ZSCAN2: variants seen among roughly 807,000 people sequenced by gnomAD.
The protein encoded by ZSCAN2 is zinc finger and SCAN domain-containing protein 2.
A neutral mutation model predicts 47.8 loss-of-function variants in ZSCAN2; 26 were observed. The ratio of observed to expected loss-of-function variants is 0.54; its 90% confidence interval spans 0.40 to 0.75. The LOEUF (loss-of-function observed/expected upper bound fraction) is 0.75. Ranked by LOEUF, ZSCAN2 falls within the 30% of genes least tolerant of loss-of-function variation. ZSCAN2 has a pLI of 0.00. For synonymous variants in ZSCAN2, 305 were observed against 288.7 expected (o/e 1.06, Z -0.57); for missense variants, 732 against 785.4 (o/e 0.93, Z 0.81).
At chr15:84,604,400 CGGA>C (rs1324222662) in intron 2 of ZSCAN2, 67 bp downstream of exon 2, 6 of 1,524,072 alleles carry the variant, frequency 3.9e-6, no homozygotes, top group South Asian at 2.6e-5. Flanking sequence ...TGTGGTGTTT[CGGA>C]GGAGGAGAAG....
Position 84,606,405 on chromosome 15 carries a change from C to G in ZSCAN2, c.406+2072C>G, listed in dbSNP as rs868022392. 2.8e-4 allele frequency: 213 copies of G among 758,776 alleles called. No homozygotes were observed. The Middle Eastern group carries it at 5.5e-3, about 20-fold the overall frequency. The allele number at this position is 758,776 out of a possible 1,614,324, so 47.0% of individuals were successfully genotyped here. On this transcript the variant is annotated intron_variant, in intron 2 of 2. Transcript: ENST00000546148. Reference sequence around the variant, plus strand: ...AGCCAGGATTCAAACCCAGACCTGTCTCTTTCTGCATGGAGATCTCAGTTT... The same window carrying G: ...AGCCAGGATTCAAACCCAGACCTGTGTCTTTCTGCATGGAGATCTCAGTTT...
intron 2 of ZSCAN2, among the ~76,000 whole-genome samples, chr15:84,619,206 C>T (rs1349919225): frequency 3.3e-5 from 5 of 152,020 alleles, no homozygotes; most frequent in Admixed American, 2.0e-4. Flanking sequence ...CCGAGGCGGG[C>T]GGATCACAAG....
chr15:84,604,562 T>C (rs1408719732), intron 2 of ZSCAN2, among the ~76,000 whole-genome samples: 2 of 152,198 alleles, frequency 1.3e-5, no homozygotes, highest in Non-Finnish European at 2.9e-5. Flanking sequence ...ATTTGAATTG[T>C]AAGCACAGTT....
intron 2 of ZSCAN2, chr15:84,606,552 C>T (rs1895387599): frequency 6.2e-7 from 1 of 1,613,858 alleles, no homozygotes; most frequent in African/African-American, 1.3e-5. Flanking sequence ...TGCTTCCCTT[C>T]CGGTGGAGGT....
chr15:84,603,990 A>G lies in ZSCAN2; in HGVS notation c.63A>G (p.Gln21=), dbSNP rs916101873. The change falls in exon 2 of 3, where the codon CAA becomes CAG. Residue 21 remains glutamine, a synonymous_variant. Coordinates refer to ENST00000546148, the MANE Select transcript of ZSCAN2 (RefSeq NM_181877.4). ...TPLSSLVQVP[Q]EEDRQEEEVT... is the part of the protein sequence containing the mutation. The stretch of plus-strand genomic sequence containing the variant: ...TGAGCTCCTTGGTCCAGGTGCCTCA[A>G]GAGGAAGATAGACAGGAGGAGGAGG... 8.1e-6 allele frequency: 13 copies of G among 1,613,912 alleles called. No homozygotes were observed. Among genetic ancestry groups the G allele is most frequent in the Admixed American group, 1.7e-5 (1 of 59,998 alleles).
intron 2 of ZSCAN2, chr15:84,612,145 C>G (rs1444081090): frequency 2.6e-5 from 4 of 152,318 alleles, no homozygotes; most frequent in Admixed American, 6.5e-5. Context: ...GCCAGGGATC[C>G]CTTATTCTTC....
At position 84,607,553 on chromosome 15, in the gene ZSCAN2, G is replaced by C. The variant is rs148636707; in HGVS notation, c.406+3220G>C. ...TGAGACGGTCTTTCTACGTTCCCCA[G>C]GCTGGAGTGCAGTGGTGCCATCTGG... On this transcript the variant is annotated intron_variant, in intron 2 of 2. Coordinates refer to ENST00000546148, the MANE Select transcript of ZSCAN2 (RefSeq NM_181877.4). 3.6e-3 allele frequency among the ~76,000 whole-genome samples: 544 copies of C among 151,918 alleles called. 6 individuals carry two copies. The highest frequency in any genetic ancestry group is 0.012 in the African/African-American group (516 of 41,410).
intron 2 of ZSCAN2, 115 bp from the exon 3 acceptor site, chr15:84,620,486 TC>T: frequency 1.1e-6 from 1 of 889,556 alleles, no homozygotes. Flanking sequence ...TTGAGGATTT[TC>T]TAGCCTCTTT....
chr15:84,609,917 A>C (rs1895495153), intron 2 of ZSCAN2, among the ~76,000 whole-genome samples: 1 of 152,224 alleles, frequency 6.6e-6, no homozygotes, highest in African/African-American at 2.4e-5. Flanking sequence ...TATTGACATG[A>C]GTCTTCCCCA....
At position 84,604,079 on chromosome 15, in the gene ZSCAN2, C is replaced by G. The variant is rs928783975; in HGVS notation, c.152C>G (p.Pro51Arg). The G allele has an allele frequency of 6.2e-7, 1 of 1,614,146 alleles. No individual in the cohort carries two copies. The highest frequency in any genetic ancestry group is 1.6e-4 in the Middle Eastern group (1 of 6,062). ...VQEAVLQEDG[P>R]ESEPFPQSAG... is the part of the protein sequence containing the mutation. ...GAAGCTGTGCTGCAGGAGGATGGCCCTGAGTCTGAGCCCTTTCCCCAGAGT... is the reference window on the plus strand; with the variant it reads ...GAAGCTGTGCTGCAGGAGGATGGCCGTGAGTCTGAGCCCTTTCCCCAGAGT... Residue 51 changes from proline to arginine, a missense_variant, in exon 2 of 3, where the codon CCT (proline) becomes CGT (arginine). Pro to Arg is a moderately radical substitution (Grantham distance 103). This residue lies in a region of ZSCAN2 where 320 missense variants were observed against 287.4 expected (regional missense o/e 1.11). Coordinates refer to ENST00000546148, the MANE Select transcript of ZSCAN2 (RefSeq NM_181877.4).
rs149447338 is a variant in ZSCAN2, at chr15:84,621,016, G to T, written c.821G>T (p.Gly274Val). Reference sequence around the variant, plus strand: ...AGTAGACACCAAACCACTCACACCGGGGAGAAGCCCTACAAATGCAGAGAC... The same window carrying T: ...AGTAGACACCAAACCACTCACACCGTGGAGAAGCCCTACAAATGCAGAGAC... ...NFSRHQTTHT[G>V]EKPYKCRDCG... The change falls in exon 3 of 3, where the codon GGG becomes GTG. Residue 274 changes from glycine (G) to valine (V), a missense_variant. By Grantham distance (109) the Gly-to-Val change is moderately radical. Transcript: ENST00000546148. This position sits in a 1 kb window ranked among gnomAD's most constrained non-coding sequence, Gnocchi z 5.7. 33 of 1,613,966 alleles carry T rather than the reference G, an allele frequency of 2.0e-5. 1 individual carries two copies. In the South Asian group the frequency reaches 3.5e-4, roughly 17 times the overall value.
chr15:84,621,425 A>G lies in ZSCAN2; in HGVS notation c.1230A>G (p.Arg410=). The change falls in exon 3 of 3, where the codon AGA becomes AGG. Residue 410 remains arginine, a synonymous_variant. Transcript: ENST00000546148. The surrounding 1 kb of genome is among the most constrained non-coding windows in gnomAD (Gnocchi z 5.7). ...SQSSALITHR[R]THTGEKPYQC... is the part of the protein sequence containing the mutation. ...GTTCAGCCCTCATCACCCACCGGAG[A>G]ACCCACACAGGAGAGAAACCCTACC... is the stretch of plus-strand genomic sequence containing the variant. 1.9e-6 allele frequency: 3 copies of G among 1,611,348 alleles called. No individual in the cohort carries two copies. In the South Asian group the frequency reaches 3.3e-5, roughly 18 times the overall value.
intron 2 of ZSCAN2, among the ~76,000 whole-genome samples, chr15:84,619,906 G>C (rs1895776765): frequency 6.8e-6 from 1 of 148,046 alleles, no homozygotes; most frequent in South Asian, 2.1e-4. Context: ...CAACCAGTCA[G>C]AATGAAATAA....
intron 2 of ZSCAN2, among the ~76,000 whole-genome samples, chr15:84,619,060 T>C (rs529639706): frequency 1.4e-4 from 22 of 152,282 alleles, no homozygotes; most frequent in Non-Finnish European, 2.2e-4. Flanking sequence ...CTAGCAGTCC[T>C]CCCTAATGAT....
At chr15:84,618,501 G>A (rs1895745884) in intron 2 of ZSCAN2, among the ~76,000 whole-genome samples, 1 of 151,986 alleles carries the variant, frequency 6.6e-6, no homozygotes, top group African/African-American at 2.4e-5. Flanking sequence ...AGGACATTGT[G>A]TGGTATAAAC....
At position 84,617,047 on chromosome 15, in the gene ZSCAN2, G is replaced by A. The variant is rs141491773; in HGVS notation, c.407-3555G>A. Among the ~76,000 whole-genome samples, 125 of 152,210 alleles carry A rather than the reference G, an allele frequency of 8.2e-4. 2 individuals are homozygous for A. The East Asian group carries it at 0.022, about 26-fold the overall frequency. On this transcript the variant is annotated intron_variant, in intron 2 of 2. Coordinates refer to ENST00000546148, the MANE Select transcript of ZSCAN2 (RefSeq NM_181877.4). ...TGAAGCAGGAGAATTGCTTGAACCC[G>A]GGGAACAGAGGTTGCGGGGAGCCAG...
At chr15:84,610,627 C>A (rs907858815) in intron 2 of ZSCAN2, among the ~76,000 whole-genome samples, 1 of 151,894 alleles carries the variant, frequency 6.6e-6, no homozygotes, top group Admixed American at 6.6e-5. Context: ...GGTGGGACTA[C>A]AGGCACCCAC....
chr15:84,616,289 T>C, intron 2 of ZSCAN2: 1 of 1,211,804 alleles, frequency 8.3e-7, no homozygotes, highest in Non-Finnish European at 1.2e-6. Context: ...TCAAAGGCTC[T>C]TTCCTTCTCT....
At chr15:84,606,548 C>T (rs1222794560) in intron 2 of ZSCAN2, 12 of 1,613,872 alleles carry the variant, frequency 7.4e-6, no homozygotes, top group Non-Finnish European at 1.0e-5. Context: ...TCGTTGCTTC[C>T]CTTCCGGTGG....
Sources: gnomAD v4.1 joint callset for allele counts (sites outside exome capture counted in the v4.1 genomes callset) on GRCh38, gnomAD v4.1.1 for gene constraint, gnomAD v4.1.1 regional missense constraint, Gnocchi (gnomAD v3.1) non-coding constraint, MANE v1.5 for transcripts, NCBI Gene and HGNC (gene_info 2026-07-23, HGNC 2026-07-21) for gene names.